COL4A2: variants seen among roughly 807,000 people sequenced by gnomAD.
COL4A2 encodes the protein collagen alpha-2(IV) chain.
Under a neutral mutation model 200.2 loss-of-function variants are expected in COL4A2, and 99 were observed. The observed-to-expected ratio is 0.49, with a 90% CI of 0.42 to 0.58. The LOEUF is 0.58. COL4A2 is among the 20% of genes least tolerant of loss of function. COL4A2 has a pLI of 0.00. For synonymous variants in COL4A2, 897 were observed against 900.6 expected, an observed-to-expected ratio of 1.00 and a Z score of 0.07; for missense variants, 1,950 against 2,314.1, an observed-to-expected ratio of 0.84 and a Z score of 3.23.
At chr13:110,385,256 C>T (rs866172915) in intron 4 of COL4A2, among the ~76,000 whole-genome samples, 16 of 150,624 alleles carry the variant, frequency 1.1e-4, no homozygotes, top group Middle Eastern at 3.4e-3. Flanking sequence ...AGTGAGACTC[C>T]GTCTGAAAAA....
intron 3 of COL4A2, among the ~76,000 whole-genome samples, chr13:110,338,433 G>GT (rs1367311016): frequency 4.9e-5 from 4 of 82,342 alleles, no homozygotes; most frequent in Non-Finnish European, 9.4e-5. Context: ...AATGTTGTGT[G>GT]TGGGGGGGGG....
chr13:110,497,718 CAGT>C lies in COL4A2; in HGVS notation c.3760+2252_3760+2254del, dbSNP rs1454097313. 5.0e-4 allele frequency among the ~76,000 whole-genome samples: 76 copies of C among 151,824 alleles called. 7 individuals are homozygous for C. Among genetic ancestry groups the C allele is most frequent in the African/African-American group, 8.5e-4 (35 of 41,342 alleles). ...TCCACTCAGGGCTGAGGATCTAGGT[CAGT>C]CCACCAGCACAGCCTCAGTCAGGGG... On this transcript the variant is annotated intron_variant, in intron 40 of 47. Coordinates refer to ENST00000360467, the MANE Select transcript of COL4A2 (RefSeq NM_001846.4).
At chr13:110,367,312 A>G (rs566006643) in intron 4 of COL4A2, among the ~76,000 whole-genome samples, 79 of 152,380 alleles carry the variant, frequency 5.2e-4, no homozygotes, top group African/African-American at 1.9e-3. Flanking sequence ...TCTTTGGCCT[A>G]ACAAGTTCTT....
intron 3 of COL4A2, among the ~76,000 whole-genome samples, chr13:110,324,827 C>T (rs540005007): frequency 7.2e-5 from 11 of 152,336 alleles, no homozygotes; most frequent in African/African-American, 2.4e-4. Flanking sequence ...ATCTTTAAAA[C>T]GTGGTGAGGA....
chr13:110,445,111 G>C (rs903848591), intron 16 of COL4A2, among the ~76,000 whole-genome samples: 1 of 152,082 alleles, frequency 6.6e-6, no homozygotes, highest in African/African-American at 2.4e-5. Context: ...TTGGCTTCCC[G>C]AAGTGCTGGG....
intron 3 of COL4A2, among the ~76,000 whole-genome samples, chr13:110,319,821 C>T (rs1418273830): frequency 1.3e-5 from 2 of 152,214 alleles, no homozygotes; most frequent in Non-Finnish European, 2.9e-5. Context: ...GCGCCCTCTT[C>T]CCTTCTCCTC....
chr13:110,425,042 C>T (rs1443061258), intron 6 of COL4A2, 45 bp downstream of exon 6: 2 of 1,518,036 alleles, frequency 1.3e-6, no homozygotes, highest in Non-Finnish European at 1.8e-6. Context: ...TGCGTGCATC[C>T]TAGGCAATAC....
intron 16 of COL4A2, among the ~76,000 whole-genome samples, chr13:110,441,513 C>A (rs932546396): frequency 3.9e-5 from 6 of 152,126 alleles, no homozygotes; most frequent in Non-Finnish European, 7.4e-5. Context: ...GTAATCACAC[C>A]CAGCCTTTCA....
chr13:110,381,660 T>C (rs556862364), intron 4 of COL4A2, among the ~76,000 whole-genome samples: 1 of 152,208 alleles, frequency 6.6e-6, no homozygotes, highest in African/African-American at 2.4e-5. Flanking sequence ...CCTGCTTGAA[T>C]TTGCATCTGG....
At chr13:110,442,490 C>G (rs1457290647) in intron 16 of COL4A2, among the ~76,000 whole-genome samples, 1 of 152,202 alleles carries the variant, frequency 6.6e-6, no homozygotes, top group Non-Finnish European at 1.5e-5. Context: ...AACACCTCCC[C>G]CTAGACACCA....
At chr13:110,367,725 A>G (rs879081407) in intron 4 of COL4A2, among the ~76,000 whole-genome samples, 2 of 152,252 alleles carry the variant, frequency 1.3e-5, no homozygotes, top group Admixed American at 1.3e-4. Flanking sequence ...TTAGAGCAAA[A>G]TTAACAGAAT....
chr13:110,321,249 G>A (rs76404609), intron 3 of COL4A2, among the ~76,000 whole-genome samples: 6,238 of 149,896 alleles, frequency 0.042, 591 homozygotes, highest in East Asian at 0.4. Flanking sequence ...CACATAGAGA[G>A]TGTACATATA....
intron 4 of COL4A2, among the ~76,000 whole-genome samples, chr13:110,399,494 C>G (rs1879297944): frequency 6.6e-6 from 1 of 152,204 alleles, no homozygotes; most frequent in Non-Finnish European, 1.5e-5. Context: ...GGCCCCAGAC[C>G]TAAAGTCTTG....
At position 110,511,229 on chromosome 13, in the gene COL4A2, TAAAA is replaced by T. The variant is rs1884071480; in HGVS notation, c.4882-704_4882-701del. Among the ~76,000 whole-genome samples the T allele has an allele frequency of 6.3e-4, 86 of 137,202 alleles. 1 individual carries two copies. In the South Asian group the frequency reaches 0.015, roughly 24 times the overall value. 90.0% of individuals were successfully genotyped at this position (137,202 alleles called of 152,430 possible). A position where few individuals can be genotyped will look rare whatever the true frequency, so the allele number is the denominator to read the frequency against. ...GTTGATGCAACAGAAAGTAGAACTT[TAAAA>T]TGAAAAAAAAAAAAAGGCTTCCTTG... On this transcript the variant is annotated intron_variant, in intron 47 of 47. Transcript: ENST00000360467.
At chr13:110,384,456 G>A (rs753379989) in intron 4 of COL4A2, among the ~76,000 whole-genome samples, 3 of 152,216 alleles carry the variant, frequency 2.0e-5, no homozygotes, top group Non-Finnish European at 4.4e-5. Flanking sequence ...TCAGTGGGGA[G>A]TCACACGTCA....
intron 21 of COL4A2, chr13:110,458,037 G>C (rs71440063): frequency 0.022 from 9,549 of 442,166 alleles, 154 homozygotes; most frequent in Non-Finnish European, 0.03. Flanking sequence ...TGCAGGCTGT[G>C]CTCCTGCTCA....
intron 17 of COL4A2, 70 bp from the exon 18 acceptor site, chr13:110,446,728 G>A: frequency 1.5e-6 from 2 of 1,365,154 alleles, no homozygotes; most frequent in South Asian, 1.2e-5. Flanking sequence ...TTCTTCTTTG[G>A]AAATATGTGT....
rs10558706 is a variant in COL4A2 at position 110,506,257 on chromosome 13, ACTCT to A, written c.4403-138_4403-135del. Among the ~76,000 whole-genome samples the A allele has an allele frequency of 1.4e-3, 163 of 117,146 alleles. No homozygotes were observed. The highest frequency in any genetic ancestry group is 4.3e-3 in the Middle Eastern group (1 of 232). The allele number at this position is 117,146 out of a possible 152,430, so 76.9% of individuals were successfully genotyped here. The stretch of plus-strand genomic sequence containing the variant: ...GGGCTGCAGGTACACCAGGCCGTCC[ACTCT>A]CTCTCTCTCTCTCTCTCTCGGGCTG... On this transcript the variant is annotated intron_variant, in intron 45 of 47. Transcript: ENST00000360467.
At chr13:110,445,679 C>A (rs74124341) in intron 16 of COL4A2, 150 bp from the exon 17 acceptor site, 2 of 1,049,988 alleles carry the variant, frequency 1.9e-6, no homozygotes, top group Non-Finnish European at 2.7e-6. Flanking sequence ...ATTTTTGAGA[C>A]CCAAGTCAGG....
Sources: gnomAD v4.1 joint callset for allele counts (sites outside exome capture counted in the v4.1 genomes callset) on GRCh38, gnomAD v4.1.1 for gene constraint, MANE v1.5 for transcripts, NCBI Gene and HGNC (gene_info 2026-07-23, HGNC 2026-07-21) for gene names.